ZNF385D: variants seen among roughly 807,000 people sequenced by gnomAD.
The protein encoded by ZNF385D is zinc finger protein 385D.
In ZNF385D, 15 loss-of-function variants were observed where a neutral mutation model predicts 35.8. That is an observed-to-expected ratio of 0.42 (90% CI 0.28 to 0.64). ZNF385D has a LOEUF of 0.64. Ranked by LOEUF, ZNF385D falls within the 30% of genes least tolerant of loss-of-function variation. The probability of loss-of-function intolerance (pLI) is 0.23; values close to 1 mark genes in which losing one functional copy is unlikely to be tolerated. For missense variants in ZNF385D, 474 were observed against 494.6 expected (o/e 0.96, Z 0.39); for synonymous variants, 212 against 186.8 (o/e 1.13, Z -1.10).
chr3:22,370,578 T>A lies in ZNF385D; in HGVS notation c.106+1872A>T, dbSNP rs9882848. ...TCATGGAATTAAAACTTAGAGAGGT[T>A]TATTGCTCTCATTTTTCAAGTGAGG... On this transcript the variant is annotated intron_variant, in intron 2 of 5. Transcript: ENST00000494108. 4.6e-3 allele frequency among the ~76,000 whole-genome samples: 708 copies of A among 152,324 alleles called. 6 individuals carry two copies. The highest frequency in any genetic ancestry group is 0.015 in the African/African-American group (628 of 41,582).
At chr3:22,333,698 A>G (rs1404350521) in intron 2 of ZNF385D, among the ~76,000 whole-genome samples, 1 of 151,964 alleles carries the variant, frequency 6.6e-6, no homozygotes, top group Non-Finnish European at 1.5e-5. Context: ...CTCATTGGAG[A>G]ATTTTTATAA....
In ZNF385D at chr3:22,257,900, G is replaced by C. The variant is rs1039739034; in HGVS notation, c.107-88865C>G. ...TTCTAGTGATATTTTTAAAAAATTA[G>C]GTTACCAATGCTACAAAATATCTTA... On this transcript the variant is annotated intron_variant, in intron 2 of 5. Coordinates refer to the ZNF385D transcript ENST00000494108. 3.3e-5 allele frequency among the ~76,000 whole-genome samples: 5 copies of C among 151,844 alleles called. No homozygotes were observed. In the East Asian group the frequency reaches 9.7e-4, roughly 30 times the overall value.
Position 21,466,672 on chromosome 3 carries a change from C to T in ZNF385D, c.440-29469G>A, listed in dbSNP as rs146188780. ...TTATTTATGTCTAGTGAGTCCTGCTCATGGCATTCATAAGTCACACAAAAA... is the reference window on the plus strand; with the variant it reads ...TTATTTATGTCTAGTGAGTCCTGCTTATGGCATTCATAAGTCACACAAAAA... On this transcript the variant is annotated intron_variant, in intron 4 of 7. Transcript: ENST00000281523. Among the ~76,000 whole-genome samples, 639 of 152,214 alleles carry T rather than the reference C, an allele frequency of 4.2e-3. 3 individuals are homozygous for T. Among genetic ancestry groups the T allele is most frequent in the Non-Finnish European group, 7.3e-3 (496 of 68,026 alleles).
At position 21,822,781 on chromosome 3, in the gene ZNF385D, A is replaced by C. The variant is rs1428825450; in HGVS notation, c.326-157753T>G. Among the ~76,000 whole-genome samples the C allele has an allele frequency of 3.3e-5, 5 of 151,992 alleles. No homozygotes were observed. In the East Asian group the frequency reaches 9.6e-4, roughly 29 times the overall value. ...AAGTATAATGATATTCATCAACATA[A>C]ATAAATCTCGAAAACAATGTTGAGT... On this transcript the variant is annotated intron_variant, in intron 3 of 5. Coordinates refer to the ZNF385D transcript ENST00000494108.
chr3:22,313,886 T>A lies in ZNF385D; in HGVS notation c.106+58564A>T, dbSNP rs188716480. Among the ~76,000 whole-genome samples the A allele has an allele frequency of 4.8e-3, 724 of 152,298 alleles. 9 individuals are homozygous for A. The South Asian group carries it at 0.049, about 10-fold the overall frequency. On this transcript the variant is annotated intron_variant, in intron 2 of 5. Transcript: ENST00000494108. The stretch of plus-strand genomic sequence containing the variant: ...GGTGGAAAAGATATCCTCAGGACCC[T>A]ACCTCTTCTATTCACTTCTTGGTTT...
intron 2 of ZNF385D, among the ~76,000 whole-genome samples, chr3:22,201,021 T>G (rs1269544010): frequency 2.0e-5 from 3 of 152,110 alleles, no homozygotes; most frequent in African/African-American, 7.2e-5. Flanking sequence ...TACAGGGTCC[T>G]GAGGTGACAT....
intron 2 of ZNF385D, among the ~76,000 whole-genome samples, chr3:21,664,358 AAC>A (rs1242738321): frequency 3.3e-5 from 5 of 152,192 alleles, no homozygotes; most frequent in African/African-American, 1.2e-4. Flanking sequence ...GGGCAACAAT[AAC>A]ACACACTAAA....
At chr3:21,840,049 G>T (rs535912418) in intron 3 of ZNF385D, among the ~76,000 whole-genome samples, 1 of 151,926 alleles carries the variant, frequency 6.6e-6, no homozygotes, top group African/African-American at 2.4e-5. Flanking sequence ...TGTTATAAGT[G>T]GAAAAAAGAA....
chr3:21,847,898 A>C (rs1696115920), intron 3 of ZNF385D, among the ~76,000 whole-genome samples: 1 of 152,006 alleles, frequency 6.6e-6, no homozygotes, highest in Non-Finnish European at 1.5e-5. Flanking sequence ...AACATTGCTG[A>C]CTATAGGCAC....
chr3:21,883,873 C>A (rs1351006019), intron 3 of ZNF385D, among the ~76,000 whole-genome samples: 2 of 152,006 alleles, frequency 1.3e-5, no homozygotes, highest in Admixed American at 1.3e-4. Flanking sequence ...CGGTCTGAGA[C>A]TGAGACATGC....
At chr3:21,520,830 G>A (rs1014934913) in intron 3 of ZNF385D, among the ~76,000 whole-genome samples, 1 of 152,034 alleles carries the variant, frequency 6.6e-6, no homozygotes, top group South Asian at 2.1e-4. Flanking sequence ...TTCAGTACTC[G>A]GGAAATGCTA....
At chr3:21,503,169 A>G (rs1706515401) in intron 4 of ZNF385D, among the ~76,000 whole-genome samples, 1 of 152,216 alleles carries the variant, frequency 6.6e-6, no homozygotes, top group African/African-American at 2.4e-5. Context: ...GAAAATATGC[A>G]TCACTGATTA....
chr3:21,906,653 C>T (rs1699700178), intron 3 of ZNF385D, among the ~76,000 whole-genome samples: 1 of 152,106 alleles, frequency 6.6e-6, no homozygotes, highest in Non-Finnish European at 1.5e-5. Flanking sequence ...CTGTGCCCAG[C>T]CTTGGCTCCA....
chr3:21,806,882 T>C (rs1211185607), intron 3 of ZNF385D, among the ~76,000 whole-genome samples: 2 of 152,154 alleles, frequency 1.3e-5, no homozygotes, highest in African/African-American at 2.4e-5. Context: ...AGCAAAACAT[T>C]AGCAGTAATT....
At chr3:21,482,904 A>T (rs981901094) in intron 4 of ZNF385D, among the ~76,000 whole-genome samples, 4 of 152,176 alleles carry the variant, frequency 2.6e-5, no homozygotes, top group African/African-American at 9.6e-5. Context: ...TGTAGTATTC[A>T]TCTAGATTCC....
At chr3:21,938,782 C>G (rs1443564369) in intron 3 of ZNF385D, among the ~76,000 whole-genome samples, 1 of 152,204 alleles carries the variant, frequency 6.6e-6, no homozygotes, top group Non-Finnish European at 1.5e-5. Context: ...TAATTCAGTA[C>G]AAAGGCTATT....
At chr3:22,122,602 G>C (rs1452753785) in intron 3 of ZNF385D, among the ~76,000 whole-genome samples, 1 of 151,928 alleles carries the variant, frequency 6.6e-6, no homozygotes, top group Non-Finnish European at 1.5e-5. Context: ...AAAACAGAAA[G>C]AGAAAAAAAT....
At chr3:22,149,158 C>A (rs1451471589) in intron 3 of ZNF385D, among the ~76,000 whole-genome samples, 1 of 151,972 alleles carries the variant, frequency 6.6e-6, no homozygotes, top group African/African-American at 2.4e-5. Flanking sequence ...TTTAGACCCC[C>A]GGCTGATTTG....
intron 2 of ZNF385D, among the ~76,000 whole-genome samples, chr3:22,203,086 C>T (rs753915444): frequency 6.6e-5 from 10 of 152,036 alleles, no homozygotes; most frequent in Non-Finnish European, 1.0e-4. Context: ...TCTGCTACTC[C>T]TCCCTCAATC....
Sources: gnomAD v4.1 joint callset for allele counts (sites outside exome capture counted in the v4.1 genomes callset) on GRCh38, gnomAD v4.1.1 for gene constraint, MANE v1.5 for transcripts, NCBI Gene and HGNC (gene_info 2026-07-23, HGNC 2026-07-21) for gene names.